Variants in NCMAP observed in about 807,000 individuals in gnomAD.
NCMAP encodes non-compact myelin associated protein.
NCMAP carries 8 observed loss-of-function variants against 7.8 expected under a neutral mutation model. The observed-to-expected ratio is 1.02, with a 90% CI of 0.60 to 1.84. The LOEUF (loss-of-function observed/expected upper bound fraction) is 1.84. Among genes scored for constraint, NCMAP ranks in the 40% most tolerant of loss-of-function variants. NCMAP has a pLI of 0.00. For missense variants in NCMAP, 112 were observed against 131.4 expected (o/e 0.85, Z 0.72); for synonymous variants, 41 against 52.9 (o/e 0.78, Z 0.98).
chr1:24,568,536 C>T (rs1220317811), intron 1 of NCMAP, among the ~76,000 whole-genome samples: 1 of 152,132 alleles, frequency 6.6e-6, no homozygotes, highest in Non-Finnish European at 1.5e-5. Flanking sequence ...TATTAAAGGG[C>T]TGCTTTGTGC....
rs765369682 is a variant in NCMAP at position 24,595,484 on chromosome 1, CA to C, written c.55del (p.Thr19ProfsTer30). On this transcript the variant is annotated frameshift_variant, in exon 2 of 4. Transcript: ENST00000374392. LOFTEE classifies it high-confidence loss of function. Reference protein sequence around the residue: ...DTTFFSLNMTTRGEDFLYKSS... With the variant: ...DTTFFSLNMTXRGEDFLYKSS... ...CCACCTTCTTCTCACTGAACATGAC[CA>C]CCAGGGGAGAAGACTTCCTGTATAA... The C allele has an allele frequency of 1.9e-6, 3 of 1,613,976 alleles. No individual in the cohort carries two copies. Among genetic ancestry groups the C allele is most frequent in the Non-Finnish European group, 1.7e-6 (2 of 1,179,854 alleles).
At chr1:24,574,886 C>A (rs935511730) in intron 1 of NCMAP, among the ~76,000 whole-genome samples, 2 of 151,014 alleles carry the variant, frequency 1.3e-5, no homozygotes, top group Admixed American at 1.3e-4. Context: ...CCCACTGCCT[C>A]CCGGGTTCAA....
In NCMAP at chr1:24,601,039, G is replaced by A; in HGVS notation, c.167+15G>A. ...ATGTACAACAGGTACGGATGCCCTG[G>A]GCTTTGGAACTGCCTGGACGGTCCC... On this transcript the variant is annotated intron_variant, in intron 3 of 3. Coordinates refer to ENST00000374392, the MANE Select transcript of NCMAP (RefSeq NM_001010980.5). 6.2e-7 allele frequency: 1 copy of A among 1,612,114 alleles called. No individual in the cohort carries two copies. Among genetic ancestry groups the A allele is most frequent in the Non-Finnish European group, 8.5e-7 (1 of 1,178,272 alleles).
intron 1 of NCMAP, among the ~76,000 whole-genome samples, chr1:24,557,202 T>C (rs1052810921): frequency 2.0e-5 from 3 of 152,122 alleles, no homozygotes; most frequent in Admixed American, 6.5e-5. Flanking sequence ...TCAATACATA[T>C]TTGTCCAATG....
chr1:24,580,886 G>A (rs1251452763), intron 1 of NCMAP, among the ~76,000 whole-genome samples: 1 of 152,178 alleles, frequency 6.6e-6, no homozygotes, highest in Non-Finnish European at 1.5e-5. Context: ...GTAGGTTTAG[G>A]CCTTTGCCTT....
intron 3 of NCMAP, among the ~76,000 whole-genome samples, chr1:24,604,326 G>T (rs1652609185): frequency 6.6e-6 from 1 of 151,778 alleles, no homozygotes; most frequent in Non-Finnish European, 1.5e-5. Flanking sequence ...TATAATCCCG[G>T]CACCCCAGGA....
chr1:24,592,475 A>G (rs938666504), intron 1 of NCMAP, among the ~76,000 whole-genome samples: 2 of 152,210 alleles, frequency 1.3e-5, no homozygotes, highest in Non-Finnish European at 2.9e-5. Flanking sequence ...ATGGATATAT[A>G]TAATATATAT....
intron 1 of NCMAP, among the ~76,000 whole-genome samples, chr1:24,560,140 G>A (rs568755748): frequency 2.3e-5 from 3 of 127,812 alleles, no homozygotes; most frequent in South Asian, 2.4e-4. Flanking sequence ...CAGCCTGGGC[G>A]ACAGAGCCAG....
chr1:24,601,912 G>A (rs1652508205), intron 3 of NCMAP, among the ~76,000 whole-genome samples: 1 of 152,006 alleles, frequency 6.6e-6, no homozygotes, highest in South Asian at 2.1e-4. Context: ...GTGGCGGCGT[G>A]CGCCTGTAGT....
chr1:24,566,049 C>G (rs1029532174), intron 1 of NCMAP, among the ~76,000 whole-genome samples: 3 of 152,144 alleles, frequency 2.0e-5, no homozygotes, highest in Admixed American at 2.0e-4. Context: ...CCTTGGTTCC[C>G]CTTCTCCTTC....
intron 1 of NCMAP, among the ~76,000 whole-genome samples, chr1:24,590,201 G>C (rs956072670): frequency 6.6e-6 from 1 of 152,194 alleles, no homozygotes; most frequent in Non-Finnish European, 1.5e-5. Flanking sequence ...TCAGGGCATG[G>C]ATAGAAAATA....
At position 24,590,222 on chromosome 1, in the gene NCMAP, G is replaced by A. The variant is rs943833259; in HGVS notation, c.-7-5202G>A. On this transcript the variant is annotated intron_variant, in intron 1 of 3. Transcript: ENST00000374392. ...CATGGATAGAAAATATCTGTCACAA[G>A]GTCTTGGCACACGGCAAACACTCAA... Among the ~76,000 whole-genome samples, 4 of 152,174 alleles carry A rather than the reference G, an allele frequency of 2.6e-5. No homozygotes were observed. In the South Asian group the frequency reaches 6.2e-4, roughly 24 times the overall value.
intron 3 of NCMAP, among the ~76,000 whole-genome samples, chr1:24,604,648 ATATATG>A (rs1652654370): frequency 9.8e-6 from 1 of 102,166 alleles, no homozygotes; most frequent in Admixed American, 1.2e-4. Flanking sequence ...ATATATATAT[ATATATG>A]TCAGCAAGAT....
At chr1:24,589,535 C>A (rs370368482) in intron 1 of NCMAP, 2 of 152,366 alleles carry the variant, frequency 1.3e-5, no homozygotes, top group African/African-American at 4.8e-5. Context: ...AAAAGACAGT[C>A]TGCACCTGGA....
chr1:24,573,971 A>AAAAAAAAAAAAAAAAAAAAAAAAC (rs1337931415), intron 1 of NCMAP, among the ~76,000 whole-genome samples: 1 of 137,552 alleles, frequency 7.3e-6, no homozygotes, highest in African/African-American at 2.9e-5. Context: ...AAAAAAAAAA[A>AAAAAAAAAAAAAAAAAAAAAAAAC]CAGAAAAAAG....
At chr1:24,589,604 C>G (rs569515749) in intron 1 of NCMAP, 1 of 152,594 alleles carries the variant, frequency 6.6e-6, no homozygotes, top group African/African-American at 2.4e-5. Flanking sequence ...GTCCTGGTGG[C>G]CTTAGGTGGC....
chr1:24,583,832 G>A (rs956128540), intron 1 of NCMAP, among the ~76,000 whole-genome samples: 4 of 152,046 alleles, frequency 2.6e-5, no homozygotes, highest in African/African-American at 9.7e-5. Flanking sequence ...CAGGATTGCC[G>A]AGGACGGTTT....
intron 1 of NCMAP, among the ~76,000 whole-genome samples, chr1:24,573,958 A>AAAAAAAAAAAAAAAAAAAAAC (rs1436251830): frequency 1.1e-5 from 1 of 91,922 alleles, no homozygotes; most frequent in East Asian, 2.2e-4. Context: ...AGGACAAAAA[A>AAAAAAAAAAAAAAAAAAAAAC]AAAAAAAAAA....
intron 3 of NCMAP, among the ~76,000 whole-genome samples, chr1:24,602,718 A>G (rs1450317057): frequency 6.6e-6 from 1 of 151,362 alleles, no homozygotes; most frequent in African/African-American, 2.4e-5. Flanking sequence ...CTTGGGCAAC[A>G]TAGCAAGACC....
Sources: allele counts gnomAD v4.1 joint callset (sites outside exome capture counted in the v4.1 genomes callset), GRCh38; gene constraint gnomAD v4.1.1; transcripts MANE v1.5; gene names NCBI Gene and HGNC (gene_info 2026-07-23, HGNC 2026-07-21).